C7orf33: variants seen among roughly 807,000 people sequenced by gnomAD.
C7orf33 encodes chromosome 7 open reading frame 33.
A neutral mutation model predicts 13.4 loss-of-function variants in C7orf33; 15 were observed. That is an observed-to-expected ratio of 1.12 (90% confidence interval 0.75 to 1.72). C7orf33 has a LOEUF of 1.72. Ranked by LOEUF, C7orf33 falls within the 40% of genes most tolerant of loss-of-function variation. The pLI is 0.00. For synonymous variants in C7orf33, 73 were observed against 83.2 expected (o/e 0.88, Z 0.67); for missense variants, 187 against 220.3 (o/e 0.85, Z 0.96).
intron 1 of C7orf33, among the ~76,000 whole-genome samples, chr7:148,593,998 T>G (rs1796299840): frequency 6.6e-6 from 1 of 151,792 alleles, no homozygotes; most frequent in Non-Finnish European, 1.5e-5. Flanking sequence ...TCGGGTTGTT[T>G]AAGTGTGTGG....
At chr7:148,597,789 A>T (rs986991638) in intron 1 of C7orf33, among the ~76,000 whole-genome samples, 4 of 149,564 alleles carry the variant, frequency 2.7e-5, no homozygotes, top group Non-Finnish European at 4.5e-5. Flanking sequence ...GGAATCTCGC[A>T]CTGTCGCCCA....
chr7:148,596,161 C>A (rs1197628578), intron 1 of C7orf33, among the ~76,000 whole-genome samples: 1 of 152,036 alleles, frequency 6.6e-6, no homozygotes, highest in African/African-American at 2.4e-5. Flanking sequence ...ATTTTTAGAG[C>A]CATTTTAGGT....
chr7:148,613,453 T>C lies in C7orf33; in HGVS notation c.205-589T>C, dbSNP rs560342150. On this transcript the variant is annotated intron_variant, in intron 1 of 2. Transcript: ENST00000307003. ...TGATGAATGGATAAATAATTCGTGG[T>C]CTACCTATATAATAAACTATTACTG... 4.6e-5 allele frequency among the ~76,000 whole-genome samples: 7 copies of C among 152,324 alleles called. No homozygotes were observed. The East Asian group carries it at 1.3e-3, about 29-fold the overall frequency.
In C7orf33 at chr7:148,591,052, A is replaced by T. The variant is rs758770856; in HGVS notation, c.127A>T (p.Arg43Trp). ...RRRIDLRLSG[R>W]AVAVWVHVRG... ...CCGGATTGACCTTCGCCTGAGTGGG[A>T]GGGCAGTCGCTGTTTGGGTCCACGT... The change falls in exon 1 of 3, where the codon AGG (arginine) becomes TGG (tryptophan). Residue 43 changes from arginine to tryptophan, a missense_variant. Physicochemically the swap from Arg to Trp is moderately radical, Grantham distance 101. Transcript: ENST00000307003. 11 of 1,614,048 alleles carry T rather than the reference A, an allele frequency of 6.8e-6. No individual in the cohort carries two copies. The South Asian group carries it at 1.2e-4, about 18-fold the overall frequency.
intron 1 of C7orf33, 49 bp from the exon 2 acceptor site, chr7:148,613,993 C>T: frequency 2.5e-6 from 4 of 1,584,120 alleles, no homozygotes; most frequent in Non-Finnish European, 3.4e-6. Flanking sequence ...TACTGATCAC[C>T]ATCTTTCCAC....
Position 148,615,694 on chromosome 7 carries a change from C to T in C7orf33, c.*293C>T, listed in dbSNP as rs1186847229. The T allele has an allele frequency of 1.9e-5, 6 of 319,428 alleles. No homozygotes were observed. The highest frequency in any genetic ancestry group is 3.0e-5 in the Non-Finnish European group (5 of 166,128). The allele number at this position is 319,428 out of a possible 1,614,324, so 19.8% of individuals were successfully genotyped here. A position where few individuals can be genotyped will look rare whatever the true frequency, so the allele number is the denominator to read the frequency against. On this transcript the variant is annotated 3_prime_UTR_variant, in exon 3 of 3. Coordinates refer to ENST00000307003, the MANE Select transcript of C7orf33 (RefSeq NM_145304.4). ...AGGTTCTAAAGGGAGACGAAGATCC[C>T]CAGAGGACCTGGATAGAGATGTTTC...
Position 148,615,454 on chromosome 7 carries a change from TCTCTTCTTG to T in C7orf33, c.*55_*63del. 1 of 1,127,354 alleles carries T rather than the reference TCTCTTCTTG, an allele frequency of 8.9e-7. No homozygotes were observed. Among genetic ancestry groups the T allele is most frequent in the Admixed American group, 1.8e-5 (1 of 56,338 alleles). 69.8% of individuals were successfully genotyped at this position (1,127,354 alleles called of 1,614,324 possible). ...CTCTAAATTTGTGTAGATTGTGAAA[TCTCTTCTTG>T]CAAGAAAAAAGAGAAATAGCTGAAG... is the stretch of plus-strand genomic sequence containing the variant. On this transcript the variant is annotated 3_prime_UTR_variant, in exon 3 of 3. Coordinates refer to ENST00000307003, the MANE Select transcript of C7orf33 (RefSeq NM_145304.4).
chr7:148,594,658 T>C (rs1377659908), intron 1 of C7orf33, among the ~76,000 whole-genome samples: 2 of 152,102 alleles, frequency 1.3e-5, no homozygotes, highest in East Asian at 3.8e-4. Context: ...TGACAGTTTG[T>C]AGGGAGATAT....
chr7:148,614,236 C>CCTAGAT lies in C7orf33; in HGVS notation c.402_407dup (p.Asp135_Leu136dup). ...TTGTCGGCACCTTGTCTTCCAGTTA[C>CCTAGAT]CTAGATCTGCTAACTCTCTCTTACA... is the stretch of plus-strand genomic sequence containing the variant. On this transcript the variant is annotated inframe_insertion, in exon 2 of 3. Transcript: ENST00000307003. 1 of 1,614,156 alleles carries CCTAGAT rather than the reference C, an allele frequency of 6.2e-7. No individual in the cohort carries two copies. Among genetic ancestry groups the CCTAGAT allele is most frequent in the South Asian group, 1.1e-5 (1 of 91,084 alleles).
intron 2 of C7orf33, among the ~76,000 whole-genome samples, chr7:148,615,100 G>C (rs181555063): frequency 6.6e-6 from 1 of 152,106 alleles, no homozygotes; most frequent in East Asian, 1.9e-4. Flanking sequence ...TTATAAGACT[G>C]GCTAATTTTT....
intron 1 of C7orf33, among the ~76,000 whole-genome samples, chr7:148,602,354 C>T (rs892262378): frequency 3.3e-5 from 5 of 151,862 alleles, no homozygotes; most frequent in East Asian, 1.9e-4. Context: ...CCAGCCACTT[C>T]GGGAGGCCAA....
At chr7:148,599,990 C>T (rs1347765211) in intron 1 of C7orf33, among the ~76,000 whole-genome samples, 6 of 152,168 alleles carry the variant, frequency 3.9e-5, no homozygotes, top group African/African-American at 1.4e-4. Context: ...GGACAGGCTG[C>T]GTGTAGGAAA....
At chr7:148,599,128 G>T (rs1443553007) in intron 1 of C7orf33, among the ~76,000 whole-genome samples, 2 of 152,004 alleles carry the variant, frequency 1.3e-5, no homozygotes, top group Non-Finnish European at 2.9e-5. Context: ...CTCCCAAAGT[G>T]CTGGGATTAC....
chr7:148,605,462 G>C (rs1452944648), intron 1 of C7orf33, among the ~76,000 whole-genome samples: 1 of 152,226 alleles, frequency 6.6e-6, no homozygotes, highest in Non-Finnish European at 1.5e-5. Flanking sequence ...AGACTGCAAG[G>C]CTAGAGGAGG....
chr7:148,604,241 C>G (rs947932015), intron 1 of C7orf33, among the ~76,000 whole-genome samples: 1 of 152,164 alleles, frequency 6.6e-6, no homozygotes, highest in Non-Finnish European at 1.5e-5. Flanking sequence ...ATTCTCCTGC[C>G]TTGGCCTCCC....
In C7orf33 at chr7:148,590,777, T is replaced by C; in HGVS notation, c.-149T>C. 1 of 732,974 alleles carries C rather than the reference T, an allele frequency of 1.4e-6. No individual in the cohort carries two copies. Among genetic ancestry groups the C allele is most frequent in the South Asian group, 1.5e-5 (1 of 64,718 alleles). 45.4% of individuals were successfully genotyped at this position (732,974 alleles called of 1,614,324 possible). On this transcript the variant is annotated 5_prime_UTR_variant, in exon 1 of 3. An upstream start codon of the reference 5' UTR is lost. Transcript: ENST00000307003. Reference sequence around the variant, plus strand: ...TCAGCTGTGACCTTACTTATGGTGATGCCAATCCAGTGGTCAGGAGCGAGG... The same window carrying C: ...TCAGCTGTGACCTTACTTATGGTGACGCCAATCCAGTGGTCAGGAGCGAGG...
Position 148,598,524 on chromosome 7 carries a change from A to G in C7orf33, c.204+7395A>G, listed in dbSNP as rs1305348621. Among the ~76,000 whole-genome samples, 6 of 151,688 alleles carry G rather than the reference A, an allele frequency of 4.0e-5. No individual in the cohort carries two copies. The East Asian group carries it at 1.2e-3, about 29-fold the overall frequency. Reference sequence around the variant, plus strand: ...TCATGAAAATCTTACTATGAAACAAACATCAGCTAAACTTGACGTTATGTT... The same window carrying G: ...TCATGAAAATCTTACTATGAAACAAGCATCAGCTAAACTTGACGTTATGTT... On this transcript the variant is annotated intron_variant, in intron 1 of 2. Transcript: ENST00000307003.
chr7:148,614,149 G>C lies in C7orf33; in HGVS notation c.312G>C (p.Thr104=). The C allele has an allele frequency of 6.2e-7, 1 of 1,614,166 alleles. No individual in the cohort carries two copies. Among genetic ancestry groups the C allele is most frequent in the African/African-American group, 1.3e-5 (1 of 75,026 alleles). ...APWHFLSQGP[T]DAQRAVRIRP... The stretch of plus-strand genomic sequence containing the variant: ...GGCATTTTCTTTCTCAAGGTCCCAC[G>C]GATGCCCAGAGAGCAGTCAGAATCA... Residue 104 remains threonine (T), a synonymous_variant, in exon 2 of 3, where the codon ACG becomes ACC. Coordinates refer to ENST00000307003, the MANE Select transcript of C7orf33 (RefSeq NM_145304.4).
chr7:148,610,034 T>C (rs1796518719), intron 1 of C7orf33, among the ~76,000 whole-genome samples: 1 of 152,202 alleles, frequency 6.6e-6, no homozygotes, highest in Non-Finnish European at 1.5e-5. Flanking sequence ...ATCAGCAAAC[T>C]GTGCAGGTTC....
Sources: gnomAD v4.1 joint callset for allele counts (sites outside exome capture counted in the v4.1 genomes callset) on GRCh38, gnomAD v4.1.1 for gene constraint, MANE v1.5 for transcripts, NCBI Gene and HGNC (gene_info 2026-07-23, HGNC 2026-07-21) for gene names.